Variants in TMEM185A observed in about 807,000 individuals in gnomAD.
TMEM185A encodes the protein transmembrane protein 185A.
TMEM185A carries 9 observed loss-of-function variants against 25.0 expected under a neutral mutation model. The observed-to-expected ratio is 0.36, with a 90% CI of 0.22 to 0.63. The LOEUF is 0.63. Ranked by LOEUF, TMEM185A falls within the 20% of genes least tolerant of loss-of-function variation. TMEM185A has a pLI of 0.68. For synonymous variants in TMEM185A, 45 were observed against 93.5 expected, an observed-to-expected ratio of 0.48 and a Z score of 2.99; for missense variants, 103 against 237.4, an observed-to-expected ratio of 0.43 and a Z score of 3.72.
At chrX:149,619,437 ACTTT>A (rs1294331079) in intron 1 of TMEM185A, among the ~76,000 whole-genome samples, 9 of 110,019 alleles carry the variant, frequency 8.2e-5, no homozygotes, top group Non-Finnish European at 1.5e-4. Flanking sequence ...TGCTTCCTGC[ACTTT>A]CTTTTTTTGT....
chrX:149,629,093 A>C (rs1422511399), intron 1 of TMEM185A, among the ~76,000 whole-genome samples: 1 of 111,737 alleles, frequency 8.9e-6, no homozygotes, highest in Non-Finnish European at 1.9e-5. Context: ...GGAGTAGTAA[A>C]TACTACAGGA....
intron 1 of TMEM185A, among the ~76,000 whole-genome samples, chrX:149,616,856 G>T (rs368143428): frequency 1.7e-4 from 19 of 112,560 alleles, no homozygotes; most frequent in African/African-American, 6.1e-4. Context: ...AACAAAGTTG[G>T]ACAATTTATA....
chrX:149,602,299 T>C (rs782683800), intron 4 of TMEM185A: 1 of 112,371 alleles, frequency 8.9e-6, no homozygotes, highest in South Asian at 3.7e-4. Flanking sequence ...CAGTGCCATT[T>C]CTAAGTACTC....
intron 1 of TMEM185A, among the ~76,000 whole-genome samples, chrX:149,618,374 A>G (rs782238908): frequency 9.0e-6 from 1 of 111,464 alleles, no homozygotes; most frequent in Non-Finnish European, 1.9e-5. Flanking sequence ...CCTCCCAGAG[A>G]GAAAACTACG....
rs183796529 is a variant in TMEM185A, at chrX:149,604,159, C to G, written c.424-89G>C. The G allele has an allele frequency of 3.5e-4, 200 of 570,392 alleles. No individual in the cohort carries two copies. In the African/African-American group the frequency reaches 4.0e-3, roughly 12 times the overall value. 47.0% of individuals were successfully genotyped at this position (570,392 alleles called of 1,213,427 possible). A position where few individuals can be genotyped will look rare whatever the true frequency, so the allele number is the denominator to read the frequency against. ...GGTTAACACACTAAAAGACAATACA[C>G]ATTATAATACAGTGTAACTTGTATA... On this transcript the variant is annotated intron_variant, in intron 3 of 6. Coordinates refer to ENST00000600449, the MANE Select transcript of TMEM185A (RefSeq NM_032508.4).
At chrX:149,609,382 T>A (rs782110624) in intron 2 of TMEM185A, among the ~76,000 whole-genome samples, 2 of 112,820 alleles carry the variant, frequency 1.8e-5, no homozygotes, top group South Asian at 7.2e-4. Context: ...TAAATGCAAA[T>A]AAAACGTATA....
At chrX:149,618,590 T>C (rs942731000) in intron 1 of TMEM185A, among the ~76,000 whole-genome samples, 4 of 111,676 alleles carry the variant, frequency 3.6e-5, no homozygotes, top group African/African-American at 6.5e-5. Flanking sequence ...TTTTGACGTT[T>C]AACTCTTAAA....
At chrX:149,610,402 T>A (rs1396903145) in intron 2 of TMEM185A, among the ~76,000 whole-genome samples, 2 of 74,865 alleles carry the variant, frequency 2.7e-5, no homozygotes, top group Non-Finnish European at 4.6e-5. Flanking sequence ...CACTCCAGCC[T>A]GGGCAACAAG....
chrX:149,630,999 T>C (rs2090188335), intron 1 of TMEM185A, among the ~76,000 whole-genome samples: 2 of 110,740 alleles, frequency 1.8e-5, no homozygotes, highest in Non-Finnish European at 3.8e-5. Context: ...TATAAGGTAT[T>C]GCCATACCCC....
At chrX:149,610,097 A>G (rs782250413) in intron 2 of TMEM185A, among the ~76,000 whole-genome samples, 109 of 111,394 alleles carry the variant, frequency 9.8e-4, no homozygotes, top group African/African-American at 3.4e-3. Context: ...AATTTACACA[A>G]TCTGAATCAT....
chrX:149,628,661 G>A (rs1476222789), intron 1 of TMEM185A, among the ~76,000 whole-genome samples: 1 of 111,914 alleles, frequency 8.9e-6, no homozygotes, highest in African/African-American at 3.3e-5. Context: ...CTGGAGCCAT[G>A]ACCCATGCCT....
At position 149,608,638 on chromosome X, in the gene TMEM185A, T is replaced by C. The variant is rs2090065265; in HGVS notation, c.412A>G (p.Arg138Gly). 2.5e-6 allele frequency: 3 copies of C among 1,211,312 alleles called. No homozygotes were observed. The highest frequency in any genetic ancestry group is 3.4e-6 in the Non-Finnish European group (3 of 895,181). ...ATATGAAATCTCACCTCTAGTGACC[T>C]GTCATGTCGAAAGCCCCAAACGCAA... is the stretch of plus-strand genomic sequence containing the variant. ...AACVWGFRHD[R>G]SLELEILCSV... The change falls in exon 3 of 7, where the codon AGG (arginine) becomes GGG (glycine). Residue 138 changes from arginine (R) to glycine (G), a missense_variant. Physicochemically the swap from Arg to Gly is moderately radical, Grantham distance 125 (BLOSUM62 -2). Around this residue, in one of 2 missense-constraint regions of TMEM185A, gnomAD observed 102 missense variants for 125.7 expected, o/e 0.81. Transcript: ENST00000600449.
chrX:149,602,603 C>T (rs1557352557), intron 4 of TMEM185A, among the ~76,000 whole-genome samples: 2 of 112,538 alleles, frequency 1.8e-5, no homozygotes, highest in African/African-American at 6.5e-5. Flanking sequence ...ACTCAGACTG[C>T]TTCATCAACT....
Position 149,631,723 on chromosome X carries a change from T to TCGCCGCCGCCGCCGCCGCCGC in TMEM185A, c.-144_-143insGCGGCGGCGGCGGCGGCGGCG, listed in dbSNP as rs1350998319. 2.2e-6 allele frequency: 1 copy of TCGCCGCCGCCGCCGCCGCCGC among 450,489 alleles called. No homozygotes were observed. Among genetic ancestry groups the TCGCCGCCGCCGCCGCCGCCGC allele is most frequent in the Non-Finnish European group, 3.1e-6 (1 of 319,851 alleles). 37.1% of individuals were successfully genotyped at this position (450,489 alleles called of 1,213,427 possible). A position where few individuals can be genotyped will look rare whatever the true frequency, so the allele number is the denominator to read the frequency against. On this transcript the variant is annotated 5_prime_UTR_variant, in exon 1 of 7. Transcript: ENST00000600449. ...GCTACTGCTGCCGTCCCCGCTGCCG[T>TCGCCGCCGCCGCCGCCGCCGC]CGCCGTCGCCGTCGCCGCCGCCGCC...
chrX:149,609,982 CA>C (rs1167721843), intron 2 of TMEM185A, among the ~76,000 whole-genome samples: 5 of 111,063 alleles, frequency 4.5e-5, no homozygotes, highest in Admixed American at 1.9e-4. Flanking sequence ...ATCAATCTTT[CA>C]AAAAAAATCT....
At chrX:149,613,632 AC>A (rs1311345234) in intron 1 of TMEM185A, among the ~76,000 whole-genome samples, 7 of 112,444 alleles carry the variant, frequency 6.2e-5, no homozygotes, top group Admixed American at 1.9e-4. Flanking sequence ...GTTGTGCTGT[AC>A]CCGGACTTCT....
intron 1 of TMEM185A, among the ~76,000 whole-genome samples, chrX:149,615,115 T>C (rs782344379): frequency 8.9e-6 from 1 of 112,343 alleles, no homozygotes; most frequent in South Asian, 3.7e-4. Flanking sequence ...TATATAAGGA[T>C]ACTACATTAC....
chrX:149,626,742 C>T (rs1380189945), intron 1 of TMEM185A, among the ~76,000 whole-genome samples: 4 of 112,098 alleles, frequency 3.6e-5, no homozygotes, highest in African/African-American at 6.5e-5. Flanking sequence ...AGCAGGGCAA[C>T]AGGTGGGGAG....
chrX:149,603,438 T>C (rs1404154664), intron 4 of TMEM185A, among the ~76,000 whole-genome samples: 3 of 111,470 alleles, frequency 2.7e-5, no homozygotes, highest in African/African-American at 9.8e-5. Flanking sequence ...GGTATGGCTT[T>C]TGGAAAAGCA....
Sources: allele counts gnomAD v4.1 joint callset (sites outside exome capture counted in the v4.1 genomes callset), GRCh38; gene constraint gnomAD v4.1.1; regional missense constraint gnomAD v4.1.1; transcripts MANE v1.5; gene names NCBI Gene and HGNC (gene_info 2026-07-23, HGNC 2026-07-21).